TGFBR3: variants seen among roughly 807,000 people sequenced by gnomAD.
TGFBR3 encodes transforming growth factor beta receptor 3, also known as transforming growth factor beta receptor type 3.
TGFBR3 carries 46 observed loss-of-function variants against 87.9 expected under a neutral mutation model. The observed-to-expected ratio is 0.52, with a 90% CI of 0.41 to 0.67. TGFBR3 has a LOEUF of 0.67. Among genes scored for constraint, TGFBR3 ranks in the 30% least tolerant of loss-of-function variants. The probability of loss-of-function intolerance (pLI) is 0.00; values close to 1 mark genes in which losing one functional copy is unlikely to be tolerated. For missense variants in TGFBR3, 866 were observed against 1,041.9 expected (o/e 0.83, Z 2.32); for synonymous variants, 381 against 391.6 (o/e 0.97, Z 0.32).
At chr1:91,878,041 C>G (rs934465376) in intron 1 of TGFBR3, among the ~76,000 whole-genome samples, 1 of 152,140 alleles carries the variant, frequency 6.6e-6, no homozygotes, top group African/African-American at 2.4e-5. Flanking sequence ...GTCAATGGTG[C>G]TTTCCCTCAA....
chr1:91,850,499 G>A (rs1394680445), intron 2 of TGFBR3, among the ~76,000 whole-genome samples: 1 of 152,088 alleles, frequency 6.6e-6, no homozygotes, highest in African/African-American at 2.4e-5. Flanking sequence ...ACAGCAGGGA[G>A]GCCAGGCGTG....
chr1:91,702,136 C>T (rs1201145813), intron 14 of TGFBR3, among the ~76,000 whole-genome samples: 1 of 152,116 alleles, frequency 6.6e-6, no homozygotes, highest in Non-Finnish European at 1.5e-5. Context: ...ACACAGGCAG[C>T]CCCCCAACTA....
At chr1:91,887,400 T>C (rs563951790), upstream of TGFBR3, among the ~76,000 whole-genome samples, 1 of 151,904 alleles carries the variant, frequency 6.6e-6, no homozygotes, top group South Asian at 2.1e-4. Context: ...TACTGACAAA[T>C]GCCACCACGC....
chr1:91,864,151 AC>A (rs1325763758), intron 1 of TGFBR3: 3 of 152,236 alleles, frequency 2.0e-5, no homozygotes, highest in Non-Finnish European at 4.4e-5. Flanking sequence ...TTTATGAAGC[AC>A]ATAAACTGTA....
chr1:91,770,087 A>G (rs888146230), intron 3 of TGFBR3, among the ~76,000 whole-genome samples: 2 of 152,200 alleles, frequency 1.3e-5, no homozygotes, highest in Non-Finnish European at 2.9e-5. Context: ...CCCTGGTGCA[A>G]AGGTCTGGAG....
chr1:91,716,381 A>C lies in TGFBR3; in HGVS notation c.1721T>G (p.Leu574Arg), dbSNP rs1341928935. Residue 574 changes from leucine (L) to arginine (R), a missense_variant, in exon 12 of 17, where the codon CTT (leucine) becomes CGT (arginine). Transcript: ENST00000212355. ...RPEIVVFNCS[L>R]QQVRNPSSFQ... ...GCTGCTGGGGTTCCTCACCTGCTGA[A>C]GGCTGCAATTAAACTGGAAATAACA... is the stretch of plus-strand genomic sequence containing the variant. 1 of 1,614,188 alleles carries C rather than the reference A, an allele frequency of 6.2e-7. No homozygotes were observed. Among genetic ancestry groups the C allele is most frequent in the East Asian group, 2.2e-5 (1 of 44,882 alleles).
chr1:91,833,404 A>T (rs2489183), intron 2 of TGFBR3, among the ~76,000 whole-genome samples: 98,266 of 132,674 alleles, frequency 0.74, 36,823 homozygotes, highest in East Asian at 0.95. Context: ...GAGGTTGCAG[A>T]GAGCCAAGAT....
At chr1:91,724,276 G>A (rs1672475364) in intron 7 of TGFBR3, among the ~76,000 whole-genome samples, 1 of 152,212 alleles carries the variant, frequency 6.6e-6, no homozygotes, top group Non-Finnish European at 1.5e-5. Flanking sequence ...ATGAGATCAT[G>A]AAAGATCCAA....
At chr1:91,691,990 T>G (rs1340747457) in intron 16 of TGFBR3, among the ~76,000 whole-genome samples, 1 of 151,472 alleles carries the variant, frequency 6.6e-6, no homozygotes, top group East Asian at 1.9e-4. Flanking sequence ...AGAGCGAGAC[T>G]CCGTCTCAAA....
chr1:91,683,238 TA>T lies in TGFBR3; in HGVS notation c.*500del, dbSNP rs1557653909. The stretch of plus-strand genomic sequence containing the variant: ...TGTGCATCCAGACAAAGGTGCAAAT[TA>T]GACAGGAGGATCGCTTAGAAAGCCT... On this transcript the variant is annotated 3_prime_UTR_variant, in exon 17 of 17. Coordinates refer to ENST00000212355, the MANE Select transcript of TGFBR3 (RefSeq NM_003243.5). 1 of 454,772 alleles carries T rather than the reference TA, an allele frequency of 2.2e-6. No individual in the cohort carries two copies. The highest frequency in any genetic ancestry group is 2.3e-5 in the Admixed American group (1 of 42,580). 28.2% of individuals were successfully genotyped at this position (454,772 alleles called of 1,614,324 possible).
Position 91,841,565 on chromosome 1 carries a change from C to T in TGFBR3, c.61+19906G>A, listed in dbSNP as rs552197802. ...ATCCCAGCACTTTGGGAGGCCAAGGCGGGCAGATCACGAGGTCAGGAGTTC... is the reference window on the plus strand; with the variant it reads ...ATCCCAGCACTTTGGGAGGCCAAGGTGGGCAGATCACGAGGTCAGGAGTTC... On this transcript the variant is annotated intron_variant, in intron 2 of 16. Coordinates refer to ENST00000212355, the MANE Select transcript of TGFBR3 (RefSeq NM_003243.5). Among the ~76,000 whole-genome samples the T allele has an allele frequency of 8.0e-4, 119 of 148,754 alleles. 2 individuals are homozygous for T. The South Asian group carries it at 9.3e-3, about 12-fold the overall frequency.
At chr1:91,690,993 TA>T (rs1317678309) in intron 16 of TGFBR3, among the ~76,000 whole-genome samples, 1 of 151,874 alleles carries the variant, frequency 6.6e-6, no homozygotes, top group Non-Finnish European at 1.5e-5. Flanking sequence ...GAACTTTTTT[TA>T]AAAGAAAAGA....
chr1:91,849,592 G>A (rs1486942174), intron 2 of TGFBR3, among the ~76,000 whole-genome samples: 2 of 152,024 alleles, frequency 1.3e-5, no homozygotes, highest in Admixed American at 6.6e-5. Flanking sequence ...TTTATTCGAC[G>A]AACCTGCTGA....
At position 91,681,285 on chromosome 1, in the gene TGFBR3, C is replaced by G. The variant is rs1182376769; in HGVS notation, c.*2454G>C. The G allele has an allele frequency of 2.3e-6, 1 of 443,366 alleles. No homozygotes were observed. Among genetic ancestry groups the G allele is most frequent in the Non-Finnish European group, 4.5e-6 (1 of 223,576 alleles). 27.5% of individuals were successfully genotyped at this position (443,366 alleles called of 1,614,324 possible). A position where few individuals can be genotyped will look rare whatever the true frequency, so the allele number is the denominator to read the frequency against. On this transcript the variant is annotated 3_prime_UTR_variant, in exon 17 of 17. Coordinates refer to ENST00000212355, the MANE Select transcript of TGFBR3 (RefSeq NM_003243.5). ...ATTTTTTAGAAACATTTCAGAAATACTTAACGACATTCACTCTCCAATATG... is the reference window on the plus strand; with the variant it reads ...ATTTTTTAGAAACATTTCAGAAATAGTTAACGACATTCACTCTCCAATATG...
chr1:91,684,488 T>C (rs1671024207), intron 16 of TGFBR3, among the ~76,000 whole-genome samples: 2 of 152,238 alleles, frequency 1.3e-5, no homozygotes, highest in African/African-American at 4.8e-5. Flanking sequence ...ACATGGGGAC[T>C]GCAGTTGCCA....
chr1:91,706,717 G>A (rs920465092), intron 14 of TGFBR3, among the ~76,000 whole-genome samples: 9 of 152,136 alleles, frequency 5.9e-5, no homozygotes, highest in African/African-American at 2.2e-4. Flanking sequence ...TTTACTCTGT[G>A]GACTCATCCC....
At chr1:91,692,807 A>T (rs1408757637) in intron 16 of TGFBR3, among the ~76,000 whole-genome samples, 3 of 152,238 alleles carry the variant, frequency 2.0e-5, no homozygotes, top group African/African-American at 7.2e-5. Context: ...CATTCCAGGT[A>T]TGTAAGTAGA....
chr1:91,830,914 G>A (rs1489872074), intron 2 of TGFBR3, among the ~76,000 whole-genome samples: 1 of 152,100 alleles, frequency 6.6e-6, no homozygotes, highest in Non-Finnish European at 1.5e-5. Flanking sequence ...CACTTAGGTG[G>A]GAAACGGCTC....
At position 91,720,132 on chromosome 1, in the gene TGFBR3, G is replaced by T. The variant is rs753445562; in HGVS notation, c.1174C>A (p.Arg392=). The change falls in exon 9 of 17, where the codon CGG becomes AGG. Residue 392 remains arginine (R), a synonymous_variant. Coordinates refer to ENST00000212355, the MANE Select transcript of TGFBR3 (RefSeq NM_003243.5). ...CCTCCATTTTGGCCTTCCCCTCCCCGGATGGGCGGGTTCTGCAGGGCAGGC... is the reference window on the plus strand; with the variant it reads ...CCTCCATTTTGGCCTTCCCCTCCCCTGATGGGCGGGTTCTGCAGGGCAGGC... ...ALPALQNPPI[R]GGEGQNGGLP... 6.2e-6 allele frequency: 10 copies of T among 1,614,034 alleles called. No individual in the cohort carries two copies. Among genetic ancestry groups the T allele is most frequent in the Non-Finnish European group, 8.5e-6 (10 of 1,179,998 alleles).
Sources: allele counts gnomAD v4.1 joint callset (sites outside exome capture counted in the v4.1 genomes callset), GRCh38; gene constraint gnomAD v4.1.1; transcripts MANE v1.5; gene names NCBI Gene and HGNC (gene_info 2026-07-23, HGNC 2026-07-21).